TRIM71: variants seen among roughly 807,000 people sequenced by gnomAD.
TRIM71 encodes the protein tripartite motif containing 71.
A neutral mutation model predicts 61.2 loss-of-function variants in TRIM71; 9 were observed. The observed-to-expected ratio is 0.15, with a 90% CI of 0.09 to 0.26. The LOEUF (loss-of-function observed/expected upper bound fraction) is 0.26, where lower values mean the gene tolerates loss of function less well. Among genes scored for constraint, TRIM71 ranks in the 10% least tolerant of loss-of-function variants. The pLI, the probability that TRIM71 is intolerant of heterozygous loss-of-function variation, is 1.00. For missense variants in TRIM71, 998 were observed against 1,238.7 expected, an observed-to-expected ratio of 0.81 and a Z score of 2.92; for synonymous variants, 645 against 553.2, an observed-to-expected ratio of 1.17 and a Z score of -2.33.
intron 1 of TRIM71, among the ~76,000 whole-genome samples, chr3:32,852,603 A>G (rs184214108): frequency 6.6e-6 from 1 of 152,322 alleles, no homozygotes; most frequent in Non-Finnish European, 1.5e-5. Context: ...TGTAGGGGAT[A>G]GGGAGCCATT....
At chr3:32,871,906 G>A (rs1203225450) in intron 1 of TRIM71, among the ~76,000 whole-genome samples, 1 of 152,232 alleles carries the variant, frequency 6.6e-6, no homozygotes, top group Non-Finnish European at 1.5e-5. Context: ...CACTTTGGGA[G>A]GCCAAGGTGG....
Position 32,893,768 on chromosome 3 carries a change from C to G in TRIM71, c.*1957C>G, listed in dbSNP as rs1168462298. On this transcript the variant is annotated 3_prime_UTR_variant, in exon 4 of 4. Coordinates refer to ENST00000383763, the MANE Select transcript of TRIM71 (RefSeq NM_001039111.3). Reference sequence around the variant, plus strand: ...ATCAAGTTGCTTTTCCCGTACACCTCTTTTGGACGTTTAATTTACTACTAC... The same window carrying G: ...ATCAAGTTGCTTTTCCCGTACACCTGTTTTGGACGTTTAATTTACTACTAC... 6.8e-6 allele frequency: 1 copy of G among 148,072 alleles called. No individual in the cohort carries two copies. Among genetic ancestry groups the G allele is most frequent in the South Asian group, 2.2e-4 (1 of 4,610 alleles). The allele number at this position is 148,072 out of a possible 1,614,324, so 9.2% of individuals were successfully genotyped here.
rs555092873 is a variant in TRIM71 at position 32,894,110 on chromosome 3, T to C, written c.*2299T>C. 1 of 152,330 alleles carries C rather than the reference T, an allele frequency of 6.6e-6. No homozygotes were observed. The highest frequency in any genetic ancestry group is 2.1e-4 in the South Asian group (1 of 4,830). 9.4% of individuals were successfully genotyped at this position (152,330 alleles called of 1,614,324 possible). ...AAGAGTTAATATAATTAAACATTTT[T>C]ACTGTTTTCTATTTTGGAGTAACTT... On this transcript the variant is annotated 3_prime_UTR_variant, in exon 4 of 4. Transcript: ENST00000383763.
At chr3:32,851,396 T>G (rs1696536794) in intron 1 of TRIM71, among the ~76,000 whole-genome samples, 1 of 152,252 alleles carries the variant, frequency 6.6e-6, no homozygotes, top group South Asian at 2.1e-4. Flanking sequence ...TCCACCCAGC[T>G]AAGTTCTTTG....
At chr3:32,849,230 C>G (rs1696511105) in intron 1 of TRIM71, among the ~76,000 whole-genome samples, 1 of 152,190 alleles carries the variant, frequency 6.6e-6, no homozygotes, top group Non-Finnish European at 1.5e-5. Flanking sequence ...AACATTGTTT[C>G]ATGGTGAAGG....
chr3:32,857,109 C>A (rs1013104045), intron 1 of TRIM71, among the ~76,000 whole-genome samples: 3 of 152,204 alleles, frequency 2.0e-5, no homozygotes, highest in Admixed American at 6.5e-5. Context: ...TCTGGCCCCT[C>A]AAGGTCACCC....
chr3:32,846,067 A>G (rs1212518289), intron 1 of TRIM71, among the ~76,000 whole-genome samples: 5 of 131,106 alleles, frequency 3.8e-5, no homozygotes, highest in African/African-American at 1.4e-4. Flanking sequence ...TAACTTGGTA[A>G]GCCACTTTTT....
At chr3:32,880,032 A>G (rs955494729) in intron 2 of TRIM71, among the ~76,000 whole-genome samples, 5 of 151,870 alleles carry the variant, frequency 3.3e-5, no homozygotes, top group Middle Eastern at 3.4e-3. Context: ...AGGTATGGCT[A>G]TAGTTTGTGA....
At chr3:32,872,349 C>G (rs773693191) in intron 1 of TRIM71, among the ~76,000 whole-genome samples, 13 of 152,082 alleles carry the variant, frequency 8.5e-5, no homozygotes, top group Admixed American at 3.9e-4. Context: ...GGAGTAACTT[C>G]TGTGTGCTTG....
intron 1 of TRIM71, among the ~76,000 whole-genome samples, chr3:32,843,225 C>T (rs1218167432): frequency 6.6e-6 from 1 of 152,128 alleles, no homozygotes; most frequent in Non-Finnish European, 1.5e-5. Context: ...CTACTTTCAC[C>T]CCCCAAGATC....
chr3:32,831,536 C>CTTTTTTTTT (rs71068093), intron 1 of TRIM71, among the ~76,000 whole-genome samples: 1 of 96,692 alleles, frequency 1.0e-5, no homozygotes. Flanking sequence ...GCTTATCTTC[C>CTTTTTTTTT]TTTTTTTTTT....
rs772960414 is a variant in TRIM71 at position 32,818,806 on chromosome 3, G to A, written c.726G>A (p.Pro242=). The stretch of plus-strand genomic sequence containing the variant: ...AGGACCACTACATCGAGCGCGGCCC[G>A]CCGGGTCCCGGTGCCGCAGCAGCGG... ...LTKDHYIERG[P]PGPGAAAAAQ... The change falls in exon 1 of 4, where the codon CCG becomes CCA. Residue 242 remains proline (P), a synonymous_variant. Coordinates refer to ENST00000383763, the MANE Select transcript of TRIM71 (RefSeq NM_001039111.3). 3.1e-6 allele frequency: 5 copies of A among 1,608,698 alleles called. No homozygotes were observed. Among genetic ancestry groups the A allele is most frequent in the Non-Finnish European group, 4.2e-6 (5 of 1,178,038 alleles).
intron 1 of TRIM71, among the ~76,000 whole-genome samples, chr3:32,846,762 C>A (rs1436414031): frequency 6.6e-6 from 1 of 151,604 alleles, no homozygotes; most frequent in Non-Finnish European, 1.5e-5. Context: ...TTTTAGATTC[C>A]ATATATAAGT....
chr3:32,819,479 G>GT (rs112115324), intron 1 of TRIM71, among the ~76,000 whole-genome samples: 1 of 152,206 alleles, frequency 6.6e-6, no homozygotes, highest in African/African-American at 2.4e-5. Context: ...GGGAAGACTG[G>GT]TTTTTTTGTT....
At chr3:32,862,760 C>T (rs751124608) in intron 1 of TRIM71, among the ~76,000 whole-genome samples, 2 of 152,176 alleles carry the variant, frequency 1.3e-5, no homozygotes, top group Non-Finnish European at 2.9e-5. Context: ...GCTGCATGGG[C>T]CACTCATTAA....
intron 1 of TRIM71, among the ~76,000 whole-genome samples, chr3:32,846,700 A>G (rs1013499392): frequency 1.6e-5 from 2 of 121,776 alleles, no homozygotes; most frequent in Non-Finnish European, 3.1e-5. Flanking sequence ...CTGATATTCT[A>G]CTCTCTACTT....
intron 2 of TRIM71, among the ~76,000 whole-genome samples, chr3:32,883,190 C>T (rs1375052449): frequency 6.6e-6 from 1 of 152,210 alleles, no homozygotes; most frequent in Non-Finnish European, 1.5e-5. Flanking sequence ...TGTATCAATG[C>T]TATTATGATA....
At chr3:32,861,688 G>A (rs2125685250) in intron 1 of TRIM71, among the ~76,000 whole-genome samples, 1 of 152,308 alleles carries the variant, frequency 6.6e-6, no homozygotes, top group Admixed American at 6.5e-5. Context: ...TGTCAAGAAA[G>A]GCTCTTGTAA....
chr3:32,830,725 A>AT (rs774429440), intron 1 of TRIM71, among the ~76,000 whole-genome samples: 17 of 152,326 alleles, frequency 1.1e-4, no homozygotes, highest in South Asian at 8.3e-4. Context: ...GAAGATGCCC[A>AT]AAGTCTGCCT....
Sources: gnomAD v4.1 joint callset for allele counts (sites outside exome capture counted in the v4.1 genomes callset) on GRCh38, gnomAD v4.1.1 for gene constraint, MANE v1.5 for transcripts, NCBI Gene and HGNC (gene_info 2026-07-23, HGNC 2026-07-21) for gene names.